The following TBL1XR1 variants were observed in gnomAD, a reference collection of about 807,000 sequenced individuals.
The protein encoded by TBL1XR1 is F-box-like/WD repeat-containing protein TBL1XR1.
In TBL1XR1, 5 loss-of-function variants were observed where a neutral mutation model predicts 66.9. The observed-to-expected ratio is 0.07, with a 90% CI of 0.04 to 0.16. The LOEUF is 0.16. TBL1XR1 is among the 10% of genes least tolerant of loss of function. The pLI, the probability that TBL1XR1 is intolerant of heterozygous loss-of-function variation, is 1.00. For missense variants in TBL1XR1, 238 were observed against 623.2 expected, an observed-to-expected ratio of 0.38 and a Z score of 6.58; for synonymous variants, 210 against 206.0, an observed-to-expected ratio of 1.02 and a Z score of -0.17.
At chr3:177,130,266 A>G (rs763074939) in intron 1 of TBL1XR1, among the ~76,000 whole-genome samples, 1 of 152,238 alleles carries the variant, frequency 6.6e-6, no homozygotes, top group South Asian at 2.1e-4. Context: ...CACATGCAAA[A>G]TAACTTATAT....
intron 13 of TBL1XR1, among the ~76,000 whole-genome samples, 153 bp downstream of exon 13, chr3:177,034,045 C>T (rs1714404049): frequency 6.7e-6 from 1 of 150,346 alleles, no homozygotes; most frequent in Non-Finnish European, 1.5e-5. Context: ...ATTCTTGTAG[C>T]CAAAAACCAC....
chr3:177,073,100 A>G (rs1489075663), intron 2 of TBL1XR1, among the ~76,000 whole-genome samples: 1 of 152,214 alleles, frequency 6.6e-6, no homozygotes, highest in African/African-American at 2.4e-5. Flanking sequence ...AAGTAATACA[A>G]AATTTCCATT....
chr3:177,135,763 T>C (rs1728922010), intron 1 of TBL1XR1, among the ~76,000 whole-genome samples: 1 of 151,940 alleles, frequency 6.6e-6, no homozygotes, highest in African/African-American at 2.4e-5. Context: ...TAAGCAACTG[T>C]AATGAAATCA....
chr3:177,194,616 GATAGATTTAATCA>G (rs1736588298), intron 1 of TBL1XR1, among the ~76,000 whole-genome samples: 1 of 152,122 alleles, frequency 6.6e-6, no homozygotes, highest in African/African-American at 2.4e-5. Flanking sequence ...ATACTGCACT[GATAGATTTAATCA>G]ACAAGTTGAT....
In TBL1XR1 at chr3:177,096,207, T is replaced by C. The variant is rs1005789482; in HGVS notation, c.-46+2259A>G. ...GGAAAACCATACCATTTTGAACCAA[T>C]ACCTACAAATTTACTAGCACATCTG... On this transcript the variant is annotated intron_variant, in intron 2 of 15. Coordinates refer to ENST00000457928, the MANE Select transcript of TBL1XR1 (RefSeq NM_024665.7). Among the ~76,000 whole-genome samples the C allele has an allele frequency of 3.3e-5, 5 of 152,266 alleles. No individual in the cohort carries two copies. In the South Asian group the frequency reaches 1.0e-3, roughly 32 times the overall value.
intron 1 of TBL1XR1, among the ~76,000 whole-genome samples, chr3:177,127,397 G>C (rs527865433): frequency 4.5e-4 from 69 of 152,204 alleles, no homozygotes; most frequent in African/African-American, 1.3e-3. Flanking sequence ...CCTTTATAGA[G>C]TGTGAAGAAA....
In TBL1XR1 at chr3:177,180,740, AT is replaced by A. The variant is rs201395892; in HGVS notation, c.-122+16380del. On this transcript the variant is annotated intron_variant, in intron 1 of 15. Coordinates refer to ENST00000457928, the MANE Select transcript of TBL1XR1 (RefSeq NM_024665.7). ...TACCAAGATCTCAGATTACCCTGGA[AT>A]TTTTTTTTTTTTGAGACGGAGATTT... Among the ~76,000 whole-genome samples, 479 of 145,608 alleles carry A rather than the reference AT, an allele frequency of 3.3e-3. 1 individual carries two copies. The highest frequency in any genetic ancestry group is 0.013 in the South Asian group (62 of 4,594).
chr3:177,076,528 A>G (rs1051810166), intron 2 of TBL1XR1, among the ~76,000 whole-genome samples: 1 of 152,208 alleles, frequency 6.6e-6, no homozygotes, highest in African/African-American at 2.4e-5. Context: ...ACTCCAACTT[A>G]CGAATTTAGG....
upstream of TBL1XR1, among the ~76,000 whole-genome samples, chr3:177,201,188 G>A (rs565815858): frequency 4.6e-5 from 7 of 150,692 alleles, no homozygotes; most frequent in East Asian, 8.0e-4. Flanking sequence ...CGAGGCGGGC[G>A]GATCACGAGG....
chr3:177,089,227 C>T (rs1722527718), intron 2 of TBL1XR1, among the ~76,000 whole-genome samples: 1 of 152,150 alleles, frequency 6.6e-6, no homozygotes, highest in Non-Finnish European at 1.5e-5. Context: ...GAATATTCAT[C>T]AATGCAGAAG....
At chr3:177,141,487 T>C (rs1275688547) in intron 1 of TBL1XR1, among the ~76,000 whole-genome samples, 8 of 152,216 alleles carry the variant, frequency 5.3e-5, no homozygotes, top group Non-Finnish European at 1.2e-4. Flanking sequence ...AAACTACATA[T>C]AAATCGTATT....
chr3:177,126,733 G>A (rs763429602), intron 1 of TBL1XR1, among the ~76,000 whole-genome samples: 3 of 151,680 alleles, frequency 2.0e-5, no homozygotes, highest in Non-Finnish European at 4.4e-5. Context: ...CTTGGCACTG[G>A]CTCTCCATAA....
At chr3:177,061,189 T>A (rs968434348) in intron 3 of TBL1XR1, among the ~76,000 whole-genome samples, 4 of 152,210 alleles carry the variant, frequency 2.6e-5, no homozygotes, top group Non-Finnish European at 4.4e-5. Flanking sequence ...CATCAAATAT[T>A]TGAGGCTGAA....
intron 1 of TBL1XR1, among the ~76,000 whole-genome samples, chr3:177,105,104 A>G (rs1281081307): frequency 6.6e-6 from 1 of 152,238 alleles, no homozygotes; most frequent in Non-Finnish European, 1.5e-5. Flanking sequence ...CTTACACTCC[A>G]AATTTACGGA....
At chr3:177,058,127 C>G (rs989281631) in intron 3 of TBL1XR1, among the ~76,000 whole-genome samples, 1 of 152,118 alleles carries the variant, frequency 6.6e-6, no homozygotes, top group Non-Finnish European at 1.5e-5. Context: ...CTAGATGAGA[C>G]AAACTGGTAA....
intron 2 of TBL1XR1, among the ~76,000 whole-genome samples, chr3:177,065,638 GA>G (rs1375721307): frequency 3.3e-5 from 5 of 152,082 alleles, no homozygotes; most frequent in African/African-American, 4.8e-5. Flanking sequence ...CGAAGTGGGG[GA>G]AAAAAGAAAA....
intron 3 of TBL1XR1, among the ~76,000 whole-genome samples, chr3:177,063,201 T>C (rs1718741104): frequency 6.6e-6 from 1 of 152,250 alleles, no homozygotes; most frequent in African/African-American, 2.4e-5. Context: ...ATTATTTTAC[T>C]GCTCCTTTTT....
chr3:177,092,230 T>C (rs1722925579), intron 2 of TBL1XR1, among the ~76,000 whole-genome samples: 1 of 152,148 alleles, frequency 6.6e-6, no homozygotes, highest in South Asian at 2.1e-4. Context: ...CATCTATACT[T>C]AGCACCACCT....
At chr3:177,122,350 C>T (rs1265431927) in intron 1 of TBL1XR1, among the ~76,000 whole-genome samples, 1 of 150,002 alleles carries the variant, frequency 6.7e-6, no homozygotes, top group Non-Finnish European at 1.5e-5. Context: ...TTAAGAATGT[C>T]ACGCCTGATT....
Sources: allele counts gnomAD v4.1 joint callset (sites outside exome capture counted in the v4.1 genomes callset), GRCh38; gene constraint gnomAD v4.1.1; transcripts MANE v1.5; gene names NCBI Gene and HGNC (gene_info 2026-07-23, HGNC 2026-07-21).